The following MARCHF1 variants were observed in gnomAD, a reference collection of about 807,000 sequenced individuals.
MARCHF1 encodes E3 ubiquitin-protein ligase MARCHF1.
MARCHF1 carries 40 observed loss-of-function variants against 54.2 expected under a neutral mutation model. The observed-to-expected ratio is 0.74, with a 90% CI of 0.57 to 0.96. The LOEUF is 0.96. Ranked by LOEUF, MARCHF1 falls within the 40% of genes least tolerant of loss-of-function variation. MARCHF1 has a pLI of 0.00. For missense variants in MARCHF1, 586 were observed against 656.5 expected (o/e 0.89, Z 1.17); for synonymous variants, 236 against 236.3 (o/e 1.00, Z 0.01).
chr4:164,343,948 A>G (rs1017640129), intron 1 of MARCHF1, among the ~76,000 whole-genome samples: 8 of 152,186 alleles, frequency 5.3e-5, no homozygotes, highest in Non-Finnish European at 1.0e-4. Flanking sequence ...AGCATTATTC[A>G]CAATCACAAA....
At position 163,553,935 on chromosome 4, in the gene MARCHF1, A is replaced by G. The variant is rs556260792; in HGVS notation, c.1192-8192T>C. Among the ~76,000 whole-genome samples, 7 of 152,298 alleles carry G rather than the reference A, an allele frequency of 4.6e-5. No individual in the cohort carries two copies. The East Asian group carries it at 1.4e-3, about 29-fold the overall frequency. On this transcript the variant is annotated intron_variant, in intron 8 of 9. Coordinates refer to ENST00000514618, the MANE Select transcript of MARCHF1 (RefSeq NM_001394959.1). ...CAAGAAGCTACCCAAGAATGGATAC[A>G]TGAAAAAAATGGCTCTTTTCCTCAA...
intron 1 of MARCHF1, among the ~76,000 whole-genome samples, chr4:164,117,707 C>T (rs1755966980): frequency 6.6e-6 from 1 of 151,984 alleles, no homozygotes; most frequent in Admixed American, 6.6e-5. Context: ...CAAGACTAGC[C>T]TGGCCAATGT....
intron 1 of MARCHF1, among the ~76,000 whole-genome samples, chr4:164,142,212 G>C (rs902403024): frequency 2.6e-5 from 4 of 152,180 alleles, no homozygotes; most frequent in African/African-American, 9.7e-5. Flanking sequence ...AGCAGTCTGA[G>C]ATCAAACTGC....
intron 3 of MARCHF1, among the ~76,000 whole-genome samples, chr4:163,906,827 C>T (rs892717895): frequency 4.1e-5 from 1 of 24,196 alleles, no homozygotes; most frequent in African/African-American, 5.8e-5. Context: ...TTGATATATA[C>T]ACCCCTCCCC....
chr4:163,804,907 TA>T (rs1748182685), intron 4 of MARCHF1, among the ~76,000 whole-genome samples: 1 of 152,182 alleles, frequency 6.6e-6, no homozygotes, highest in South Asian at 2.1e-4. Context: ...ATTCCTCACT[TA>T]AAAGACAGCT....
intron 4 of MARCHF1, among the ~76,000 whole-genome samples, chr4:163,721,894 A>G (rs1341082696): frequency 1.3e-5 from 2 of 151,846 alleles, no homozygotes; most frequent in Non-Finnish European, 2.9e-5. Context: ...ATCATTTTTT[A>G]TTGCGCCTAT....
chr4:163,818,383 T>C (rs528273162), intron 4 of MARCHF1, among the ~76,000 whole-genome samples: 11 of 152,122 alleles, frequency 7.2e-5, no homozygotes, highest in South Asian at 4.1e-4. Context: ...AACCCCAGCA[T>C]CCATTAATAA....
At chr4:164,221,175 G>A (rs1290723306) in intron 1 of MARCHF1, among the ~76,000 whole-genome samples, 1 of 151,858 alleles carries the variant, frequency 6.6e-6, no homozygotes, top group Non-Finnish European at 1.5e-5. Flanking sequence ...TGACAATAAG[G>A]GCATCACTTC....
chr4:163,613,154 T>A, intron 6 of MARCHF1, 116 bp from the exon 7 acceptor site: 1 of 1,235,152 alleles, frequency 8.1e-7, no homozygotes, highest in Non-Finnish European at 1.1e-6. Context: ...TAAATAAAGA[T>A]CAACTGAAGA....
At chr4:164,223,523 T>G (rs1332516222) in intron 1 of MARCHF1, among the ~76,000 whole-genome samples, 1 of 152,002 alleles carries the variant, frequency 6.6e-6, no homozygotes, top group South Asian at 2.1e-4. Context: ...CAATAGATAT[T>G]TATGTGTTCT....
chr4:164,345,140 A>T (rs1422526402), intron 1 of MARCHF1, among the ~76,000 whole-genome samples: 1 of 152,202 alleles, frequency 6.6e-6, no homozygotes, highest in Non-Finnish European at 1.5e-5. Flanking sequence ...AATATTAAAA[A>T]TTCCTAACAC....
chr4:163,856,311 T>C (rs1342949592), intron 3 of MARCHF1, among the ~76,000 whole-genome samples: 2 of 152,240 alleles, frequency 1.3e-5, no homozygotes, highest in Non-Finnish European at 2.9e-5. Context: ...TTAAAATACA[T>C]ACTTTTAATA....
chr4:163,641,200 A>C (rs552014166), intron 5 of MARCHF1, among the ~76,000 whole-genome samples: 4 of 152,274 alleles, frequency 2.6e-5, no homozygotes, highest in African/African-American at 9.6e-5. Context: ...GAAGCTAAAG[A>C]ACATTTAATA....
chr4:163,828,075 C>T (rs940782871), intron 4 of MARCHF1, among the ~76,000 whole-genome samples: 1 of 147,918 alleles, frequency 6.8e-6, no homozygotes, highest in African/African-American at 2.5e-5. Context: ...TGTCATTCTC[C>T]TCCTCCTCAG....
At chr4:163,724,035 T>G (rs1745569269) in intron 4 of MARCHF1, among the ~76,000 whole-genome samples, 1 of 152,256 alleles carries the variant, frequency 6.6e-6, no homozygotes, top group African/African-American at 2.4e-5. Context: ...GTCAAAGTCA[T>G]TCTCCATCCA....
intron 8 of MARCHF1, among the ~76,000 whole-genome samples, chr4:163,549,467 T>C (rs910932597): frequency 6.6e-6 from 1 of 152,076 alleles, no homozygotes; most frequent in Non-Finnish European, 1.5e-5. Context: ...TACACCACCA[T>C]ACTTTTCACC....
chr4:163,728,362 G>A (rs575005479), intron 4 of MARCHF1, among the ~76,000 whole-genome samples: 2 of 152,254 alleles, frequency 1.3e-5, no homozygotes, highest in Non-Finnish European at 1.5e-5. Flanking sequence ...GATGGCAACT[G>A]GAGTATATTT....
chr4:163,585,960 T>G, intron 7 of MARCHF1, 31 bp from the exon 8 acceptor site: 1 of 1,564,268 alleles, frequency 6.4e-7, no homozygotes, highest in Non-Finnish European at 8.7e-7. Flanking sequence ...CAGTATGAGA[T>G]CTCCCAGAGA....
At chr4:164,177,628 A>G (rs932660877) in intron 1 of MARCHF1, among the ~76,000 whole-genome samples, 16 of 152,198 alleles carry the variant, frequency 1.1e-4, no homozygotes, top group African/African-American at 3.6e-4. Context: ...AAACAAAAGC[A>G]AACTTTAATA....
Sources: gnomAD v4.1 joint callset for allele counts (sites outside exome capture counted in the v4.1 genomes callset) on GRCh38, gnomAD v4.1.1 for gene constraint, MANE v1.5 for transcripts, NCBI Gene and HGNC (gene_info 2026-07-23, HGNC 2026-07-21) for gene names.